Variants in ODAD4 observed in about 807,000 individuals in gnomAD.
ODAD4 encodes the protein outer dynein arm-docking complex subunit 4.
ODAD4 carries 49 observed loss-of-function variants against 51.8 expected under a neutral mutation model. The ratio of observed to expected loss-of-function variants is 0.95; its 90% confidence interval spans 0.75 to 1.20. The LOEUF is 1.20. ODAD4 is among the 50% of genes most tolerant of loss of function. The pLI, the probability that ODAD4 is intolerant of heterozygous loss-of-function variation, is 0.00. For missense variants in ODAD4, 590 were observed against 586.5 expected (o/e 1.01, Z -0.06); for synonymous variants, 235 against 221.3 (o/e 1.06, Z -0.55).
intron 7 of ODAD4, among the ~76,000 whole-genome samples, chr17:41,942,954 C>G (rs1193299707): frequency 6.6e-6 from 1 of 152,118 alleles, no homozygotes; most frequent in Non-Finnish European, 1.5e-5. Context: ...CCTCCAACTC[C>G]TAGGCCCAAG....
At chr17:41,955,715 T>C (rs572517615) in intron 10 of ODAD4, among the ~76,000 whole-genome samples, 59 of 152,308 alleles carry the variant, frequency 3.9e-4, no homozygotes, top group Admixed American at 3.1e-3. Flanking sequence ...TGAGCCACTG[T>C]GCCCAGCCAG....
At chr17:41,949,401 C>T (rs1416236933) in intron 9 of ODAD4, 52 bp downstream of exon 9, 1 of 398,200 alleles carries the variant, frequency 2.5e-6, no homozygotes, top group Non-Finnish European at 4.4e-6. Context: ...AGGCCCAGCT[C>T]ACACCAGGGC....
chr17:41,946,895 C>T (rs375564004), intron 8 of ODAD4, among the ~76,000 whole-genome samples: 56 of 150,616 alleles, frequency 3.7e-4, no homozygotes, highest in African/African-American at 1.3e-3. Context: ...CTGTCCCCCA[C>T]GCTGGAGTGC....
At chr17:41,938,932 C>G (rs911072413) in intron 6 of ODAD4, 33 bp from the exon 7 acceptor site, 1 of 1,595,372 alleles carries the variant, frequency 6.3e-7, no homozygotes, top group Non-Finnish European at 8.6e-7. Context: ...AGGAGGCTGC[C>G]CTGGCCTCCA....
intron 10 of ODAD4, among the ~76,000 whole-genome samples, chr17:41,956,791 C>T (rs2050740515): frequency 6.6e-6 from 1 of 152,072 alleles, no homozygotes; most frequent in African/African-American, 2.4e-5. Flanking sequence ...GTATGTTGGC[C>T]AGGCTAGTCT....
intron 10 of ODAD4, among the ~76,000 whole-genome samples, chr17:41,959,616 G>A (rs949616525): frequency 6.6e-6 from 1 of 152,178 alleles, no homozygotes; most frequent in Admixed American, 6.5e-5. Flanking sequence ...GTGCACTGAA[G>A]ACGTGGGAGG....
chr17:41,943,444 T>C (rs1313881805), intron 7 of ODAD4, among the ~76,000 whole-genome samples: 2 of 151,926 alleles, frequency 1.3e-5, no homozygotes. Context: ...GAAAAGAGAG[T>C]CAGCAAAGGG....
intron 9 of ODAD4, chr17:41,954,896 G>A: frequency 3.3e-6 from 1 of 304,284 alleles, no homozygotes; most frequent in South Asian, 3.6e-5. Flanking sequence ...ATCTAAAGAT[G>A]GAGCAGGATG....
intron 7 of ODAD4, among the ~76,000 whole-genome samples, chr17:41,941,648 G>C (rs1459696847): frequency 1.3e-5 from 2 of 152,024 alleles, no homozygotes; most frequent in African/African-American, 4.8e-5. Context: ...GGGTGTGGTG[G>C]TGTGCGCCTG....
chr17:41,933,844 G>T (rs1247841565), intron 1 of ODAD4, among the ~76,000 whole-genome samples: 1 of 151,790 alleles, frequency 6.6e-6, no homozygotes, highest in Non-Finnish European at 1.5e-5. Context: ...GGTACAGTTA[G>T]ATGCCTCAGG....
intron 7 of ODAD4, among the ~76,000 whole-genome samples, chr17:41,943,322 G>A (rs2050532807): frequency 6.6e-6 from 1 of 152,176 alleles, no homozygotes; most frequent in Non-Finnish European, 1.5e-5. Context: ...GCTCATGCCT[G>A]TAATTCCAGC....
chr17:41,941,606 AC>A (rs2050506979), intron 7 of ODAD4, among the ~76,000 whole-genome samples: 1 of 152,098 alleles, frequency 6.6e-6, no homozygotes, highest in Non-Finnish European at 1.5e-5. Context: ...TACTAAAAAT[AC>A]AAAAAAAATT....
At chr17:41,949,425 G>A in intron 9 of ODAD4, 76 bp downstream of exon 9, 3 of 397,864 alleles carry the variant, frequency 7.5e-6, no homozygotes, top group Admixed American at 4.4e-5. Context: ...GAGTCTTGTG[G>A]ACTGAGTTTA....
intron 7 of ODAD4, among the ~76,000 whole-genome samples, chr17:41,944,815 G>C (rs1197054560): frequency 5.9e-5 from 9 of 151,920 alleles, no homozygotes; most frequent in African/African-American, 1.7e-4. Flanking sequence ...TATTTTTAAT[G>C]CTTATTATTA....
At chr17:41,933,546 G>A (rs529848896) in intron 1 of ODAD4, among the ~76,000 whole-genome samples, 5 of 152,222 alleles carry the variant, frequency 3.3e-5, no homozygotes, top group East Asian at 3.9e-4. Flanking sequence ...CAGCTACTCC[G>A]GAGGCTGAGG....
At chr17:41,958,212 G>A (rs1555641236) in intron 10 of ODAD4, among the ~76,000 whole-genome samples, 1 of 152,138 alleles carries the variant, frequency 6.6e-6, no homozygotes, top group African/African-American at 2.4e-5. Context: ...CCCTCTTTGA[G>A]GCGGCCTTCT....
intron 5 of ODAD4, among the ~76,000 whole-genome samples, chr17:41,937,890 C>G (rs1555638071): frequency 6.6e-6 from 1 of 152,238 alleles, no homozygotes; most frequent in Non-Finnish European, 1.5e-5. Flanking sequence ...TAAGCCTGAG[C>G]AGGGTCACCT....
Position 41,945,163 on chromosome 17 carries a change from C to T in ODAD4, c.1086C>T (p.Ala362=), listed in dbSNP as rs1555639322. 6.2e-7 allele frequency: 1 copy of T among 1,613,338 alleles called. No homozygotes were observed. The highest frequency in any genetic ancestry group is 8.5e-7 in the Non-Finnish European group (1 of 1,179,708). The change falls in exon 8 of 12, where the codon GCC becomes GCT. Residue 362 remains alanine (A), a synonymous_variant. Transcript: ENST00000377540. ...ACCTTCCTGATGCAAAATCGAGAGC[C>T]CTTGACAACATTGGCAGAGTTTTTG... is the stretch of plus-strand genomic sequence containing the variant. ...EYDLPDAKSR[A]LDNIGRVFAR... is the part of the protein sequence containing the mutation.
chr17:41,957,182 G>A (rs1430939910), intron 10 of ODAD4, among the ~76,000 whole-genome samples: 1 of 152,074 alleles, frequency 6.6e-6, no homozygotes, highest in Non-Finnish European at 1.5e-5. Context: ...CTGGGACTGA[G>A]CCACTGTACC....
Sources: gnomAD v4.1 joint callset for allele counts (sites outside exome capture counted in the v4.1 genomes callset) on GRCh38, gnomAD v4.1.1 for gene constraint, MANE v1.5 for transcripts, NCBI Gene and HGNC (gene_info 2026-07-23, HGNC 2026-07-21) for gene names.